Variants in GSE1 observed in about 807,000 individuals in gnomAD.
GSE1 encodes genetic suppressor element 1.
GSE1 carries 32 observed loss-of-function variants against 112.6 expected under a neutral mutation model. That is an observed-to-expected ratio of 0.28 (90% CI 0.21 to 0.38). The LOEUF is 0.38. Ranked by LOEUF, GSE1 falls within the 10% of genes least tolerant of loss-of-function variation. The pLI is 1.00. For missense variants in GSE1, 2,348 were observed against 1,699.2 expected (o/e 1.38, Z -6.71); for synonymous variants, 1,115 against 735.6 (o/e 1.52, Z -8.35).
chr16:85,611,366 G>T (rs549803890), upstream of GSE1: 154 of 485,212 alleles, frequency 3.2e-4, 2 homozygotes, highest in African/African-American at 3.4e-3. Context: ...TGAATCCGCC[G>T]GCCAGTGCGG....
intron 2 of GSE1, among the ~76,000 whole-genome samples, chr16:85,440,840 C>T (rs2049357961): frequency 6.6e-6 from 1 of 152,244 alleles, no homozygotes. Flanking sequence ...CACATCTGTG[C>T]CCTGGGAGGC....
chr16:85,235,427 A>ATTGTGTGT (rs574126768), intron 1 of GSE1, among the ~76,000 whole-genome samples: 107 of 65,000 alleles, frequency 1.6e-3, no homozygotes, highest in Non-Finnish European at 2.7e-3. Context: ...ATGGAAGGGT[A>ATTGTGTGT]CTGTGTGTGT....
intron 1 of GSE1, among the ~76,000 whole-genome samples, chr16:85,228,429 G>A (rs1465556218): frequency 3.9e-5 from 6 of 152,194 alleles, no homozygotes; most frequent in African/African-American, 1.4e-4. Context: ...GAGTCAGTGC[G>A]GCGAAGGCCC....
intron 1 of GSE1, among the ~76,000 whole-genome samples, chr16:85,343,751 A>G (rs1045215645): frequency 2.0e-4 from 30 of 152,298 alleles, no homozygotes; most frequent in Admixed American, 1.2e-3. Flanking sequence ...CCTGACTCAA[A>G]AAAAGTTGAA....
intron 2 of GSE1, among the ~76,000 whole-genome samples, chr16:85,523,095 G>A (rs2052243539): frequency 6.6e-6 from 1 of 151,840 alleles, no homozygotes; most frequent in Non-Finnish European, 1.5e-5. Flanking sequence ...GCCTGTGTGT[G>A]TTGTGTGCGT....
At chr16:85,392,274 G>A (rs1306416917) in intron 2 of GSE1, among the ~76,000 whole-genome samples, 1 of 152,210 alleles carries the variant, frequency 6.6e-6, no homozygotes, top group Non-Finnish European at 1.5e-5. Context: ...GGCAGAGAGC[G>A]TCACCAGATC....
chr16:85,414,124 G>A (rs116589448), intron 2 of GSE1, among the ~76,000 whole-genome samples: 370 of 152,308 alleles, frequency 2.4e-3, no homozygotes, highest in African/African-American at 8.3e-3. Flanking sequence ...CACAGAGGGT[G>A]TGCACAGCTG....
chr16:85,185,244 A>G (rs777175238), intron 1 of GSE1: 2 of 152,280 alleles, frequency 1.3e-5, no homozygotes, highest in South Asian at 2.1e-4. Context: ...GGAGAGGGAA[A>G]GTGACTTGCC....
At chr16:85,409,427 T>C (rs868065899) in intron 2 of GSE1, among the ~76,000 whole-genome samples, 13 of 22,096 alleles carry the variant, frequency 5.9e-4, no homozygotes, top group East Asian at 3.1e-3. Context: ...TAATCCTCAC[T>C]GTTACACTCA....
intron 1 of GSE1, among the ~76,000 whole-genome samples, chr16:85,265,477 C>T (rs1039326235): frequency 1.3e-5 from 2 of 152,190 alleles, no homozygotes; most frequent in Non-Finnish European, 2.9e-5. Flanking sequence ...TGCCCCAGTT[C>T]AGGCCAATTC....
intron 2 of GSE1, among the ~76,000 whole-genome samples, chr16:85,417,875 T>C (rs557181550): frequency 6.6e-6 from 1 of 152,372 alleles, no homozygotes; most frequent in South Asian, 2.1e-4. Context: ...AGTCTCACTC[T>C]GTCGGCCGGG....
chr16:85,241,799 G>C (rs1567632967), intron 1 of GSE1, among the ~76,000 whole-genome samples: 2 of 152,126 alleles, frequency 1.3e-5, no homozygotes, highest in Non-Finnish European at 2.9e-5. Flanking sequence ...CTCTCCTCCT[G>C]TACTCACTTT....
Position 85,661,314 on chromosome 16 carries a change from C to G in GSE1, c.1809C>G (p.His603Gln). ...TGGAGACGCGGCGGGCCGAAAGCCA[C>G]TCTCTGCACAGCCACCCGGCTGCAT... ...NTLETRRAES[H>Q]SLHSHPAAFE... Residue 603 changes from histidine (H) to glutamine (Q), a missense_variant, in exon 9 of 16, where the codon CAC becomes CAG. Coordinates refer to ENST00000253458, the MANE Select transcript of GSE1 (RefSeq NM_014615.5). 1 of 1,612,764 alleles carries G rather than the reference C, an allele frequency of 6.2e-7. No individual in the cohort carries two copies. The highest frequency in any genetic ancestry group is 1.1e-5 in the South Asian group (1 of 91,048).
At chr16:85,224,865 G>T (rs1201072469) in intron 1 of GSE1, among the ~76,000 whole-genome samples, 2 of 151,112 alleles carry the variant, frequency 1.3e-5, no homozygotes, top group Non-Finnish European at 3.0e-5. Context: ...CAGGTGTGGT[G>T]GCACCTGTAA....
intron 12 of GSE1, among the ~76,000 whole-genome samples, chr16:85,665,344 C>T (rs1383644757): frequency 6.6e-6 from 1 of 152,268 alleles, no homozygotes; most frequent in Non-Finnish European, 1.5e-5. Context: ...AGGGGAGGGT[C>T]TGGCTTCTGT....
chr16:85,497,461 G>C (rs572044272), intron 2 of GSE1, among the ~76,000 whole-genome samples: 10 of 152,332 alleles, frequency 6.6e-5, no homozygotes, highest in African/African-American at 2.4e-4. Flanking sequence ...ACAAGGTCGT[G>C]TGCGTGAATT....
At position 85,312,364 on chromosome 16, in the gene GSE1, C is replaced by T. The variant is rs117083992; in HGVS notation, c.2284-45099C>T. 9.6e-3 allele frequency among the ~76,000 whole-genome samples: 1,456 copies of T among 152,280 alleles called. 9 individuals carry two copies. The highest frequency in any genetic ancestry group is 0.018 in the Non-Finnish European group (1,229 of 68,010). On this transcript the variant is annotated intron_variant, in intron 1 of 2. Coordinates refer to the GSE1 transcript ENST00000637419. ...TCCACAGTCGAGCTGTTGGCAGGGC[C>T]GCCCTCCCTTCCAAGGCTCGGGGAC...
intron 2 of GSE1, among the ~76,000 whole-genome samples, chr16:85,363,126 C>T (rs527884851): frequency 2.6e-5 from 4 of 152,170 alleles, no homozygotes; most frequent in Admixed American, 1.3e-4. Context: ...CGTGAGCCAC[C>T]GCACCCGCTG....
At chr16:85,321,191 G>A (rs2046099874) in intron 1 of GSE1, among the ~76,000 whole-genome samples, 1 of 152,144 alleles carries the variant, frequency 6.6e-6, no homozygotes, top group Non-Finnish European at 1.5e-5. Flanking sequence ...CACACAGTAG[G>A]TGCTCAACTC....
Sources: gnomAD v4.1 joint callset for allele counts (sites outside exome capture counted in the v4.1 genomes callset) on GRCh38, gnomAD v4.1.1 for gene constraint, MANE v1.5 for transcripts, NCBI Gene and HGNC (gene_info 2026-07-23, HGNC 2026-07-21) for gene names.